The following FTO variants were observed in gnomAD, a reference collection of about 807,000 sequenced individuals.
The protein encoded by FTO is FTO alpha-ketoglutarate dependent dioxygenase.
A neutral mutation model predicts 63.9 loss-of-function variants in FTO; 47 were observed. That is an observed-to-expected ratio of 0.74 (90% CI 0.58 to 0.94). The LOEUF (loss-of-function observed/expected upper bound fraction) is 0.94, where lower values mean the gene tolerates loss of function less well. Among genes scored for constraint, FTO ranks in the 40% least tolerant of loss-of-function variants. The pLI is 0.00. For synonymous variants in FTO, 207 were observed against 224.4 expected (o/e 0.92, Z 0.69); for missense variants, 562 against 618.1 (o/e 0.91, Z 0.96).
chr16:54,090,643 T>C (rs1391126089), intron 8 of FTO, among the ~76,000 whole-genome samples: 2 of 152,224 alleles, frequency 1.3e-5, no homozygotes, highest in African/African-American at 2.4e-5. Flanking sequence ...TCTCATAATA[T>C]GGAAAACGCT....
intron 8 of FTO, among the ~76,000 whole-genome samples, chr16:54,006,774 C>T (rs879838393): frequency 1.3e-5 from 2 of 152,234 alleles, no homozygotes; most frequent in Non-Finnish European, 2.9e-5. Flanking sequence ...TAAACCCACA[C>T]TGAACCAAGT....
intron 8 of FTO, among the ~76,000 whole-genome samples, chr16:54,058,109 T>C (rs1272777334): frequency 6.6e-6 from 1 of 151,994 alleles, no homozygotes; most frequent in Non-Finnish European, 1.5e-5. Context: ...ATTTATTTTA[T>C]TTTATTTTTT....
At chr16:53,930,571 T>C (rs957666362) in intron 7 of FTO, among the ~76,000 whole-genome samples, 3 of 152,180 alleles carry the variant, frequency 2.0e-5, no homozygotes, top group African/African-American at 7.2e-5. Flanking sequence ...AGTGAACTTA[T>C]AGTTTTAAAA....
rs983709903 is a variant in FTO, at chr16:53,945,245, T to G, written c.1364+11136T>G. ...GGGTTTCACTCCTCTACTTCCACTT[T>G]CCCTGAAGTCTGCAATTGTACTAAT... On this transcript the variant is annotated intron_variant, in intron 8 of 8. Coordinates refer to ENST00000471389, the MANE Select transcript of FTO (RefSeq NM_001080432.3). Among the ~76,000 whole-genome samples the G allele has an allele frequency of 3.3e-5, 5 of 152,218 alleles. No homozygotes were observed. In the South Asian group the frequency reaches 1.0e-3, roughly 32 times the overall value.
At position 53,846,732 on chromosome 16, in the gene FTO, G is replaced by T. The variant is rs542916446; in HGVS notation, c.895+2434G>T. 2.0e-5 allele frequency among the ~76,000 whole-genome samples: 3 copies of T among 151,360 alleles called. No homozygotes were observed. The East Asian group carries it at 5.8e-4, about 29-fold the overall frequency. ...CATGAGAATTGCTTGAACCCGGGAGGTGGAAGTTGCAGGGAGCTGAGATTG... is the reference window on the plus strand; with the variant it reads ...CATGAGAATTGCTTGAACCCGGGAGTTGGAAGTTGCAGGGAGCTGAGATTG... On this transcript the variant is annotated intron_variant, in intron 4 of 8. Transcript: ENST00000471389.
chr16:53,839,990 A>C (rs1307934621), intron 3 of FTO, among the ~76,000 whole-genome samples: 1 of 151,812 alleles, frequency 6.6e-6, no homozygotes, highest in Non-Finnish European at 1.5e-5. Flanking sequence ...TTTTTAGTAG[A>C]GATGGGGTTT....
chr16:54,063,890 G>A (rs1278898787), intron 8 of FTO: 2 of 151,888 alleles, frequency 1.3e-5, no homozygotes, highest in Non-Finnish European at 2.9e-5. Flanking sequence ...TAAGATGGGT[G>A]TATGTGGGAC....
chr16:53,713,984 A>G (rs1421003190), intron 1 of FTO, among the ~76,000 whole-genome samples: 2 of 152,170 alleles, frequency 1.3e-5, no homozygotes, highest in South Asian at 2.1e-4. Flanking sequence ...TCCTGTTGCT[A>G]TGCTGATCAT....
chr16:53,994,831 T>C (rs1268303262), intron 8 of FTO, among the ~76,000 whole-genome samples: 1 of 152,062 alleles, frequency 6.6e-6, no homozygotes, highest in African/African-American at 2.4e-5. Context: ...TCTCCCAGGT[T>C]CAAACAATTC....
At chr16:53,948,068 A>G (rs568070203) in intron 8 of FTO, among the ~76,000 whole-genome samples, 2 of 152,342 alleles carry the variant, frequency 1.3e-5, no homozygotes, top group Admixed American at 1.3e-4. Context: ...TCGCCATTGT[A>G]AAGTAAGAGA....
Position 53,880,006 on chromosome 16 carries a change from T to G in FTO, c.1119+19T>G. Reference sequence around the variant, plus strand: ...TAATGAGGTAAGGACTTTCTTTTTTTTTTTTTGAGATGGAGTCTCGCTCTG... The same window carrying G: ...TAATGAGGTAAGGACTTTCTTTTTTGTTTTTTGAGATGGAGTCTCGCTCTG... On this transcript the variant is annotated intron_variant, in intron 6 of 8. Transcript: ENST00000471389. 1 of 1,606,282 alleles carries G rather than the reference T, an allele frequency of 6.2e-7. No homozygotes were observed. Among genetic ancestry groups the G allele is most frequent in the South Asian group, 1.1e-5 (1 of 90,780 alleles).
intron 8 of FTO, among the ~76,000 whole-genome samples, chr16:54,092,613 G>A (rs958110911): frequency 6.6e-6 from 1 of 152,130 alleles, no homozygotes; most frequent in Admixed American, 6.6e-5. Context: ...ACCCACCATG[G>A]AGAAATAATT....
intron 1 of FTO, among the ~76,000 whole-genome samples, chr16:53,743,956 T>C (rs1046569940): frequency 3.9e-5 from 6 of 152,194 alleles, no homozygotes; most frequent in Non-Finnish European, 1.5e-5. Context: ...TCAATATATT[T>C]AAAATTCCTA....
chr16:54,058,439 C>T (rs58616327), intron 8 of FTO, among the ~76,000 whole-genome samples: 38,421 of 152,036 alleles, frequency 0.25, 5,655 homozygotes, highest in East Asian at 0.45. Context: ...GAAACTCCAG[C>T]GCAGTAAAGA....
chr16:53,813,469 C>G (rs1425440670), intron 2 of FTO, among the ~76,000 whole-genome samples: 1 of 152,146 alleles, frequency 6.6e-6, no homozygotes, highest in Non-Finnish European at 1.5e-5. Context: ...GCCTCGGCCT[C>G]CCAAAGTGCT....
At chr16:53,971,260 C>A (rs2083310971) in intron 8 of FTO, among the ~76,000 whole-genome samples, 1 of 152,080 alleles carries the variant, frequency 6.6e-6, no homozygotes, top group African/African-American at 2.4e-5. Context: ...CCGCTTTCTC[C>A]TTTTTTTGGA....
chr16:53,839,168 T>C (rs1340984958), intron 3 of FTO, among the ~76,000 whole-genome samples: 1 of 152,226 alleles, frequency 6.6e-6, no homozygotes, highest in African/African-American at 2.4e-5. Context: ...AACTTGACTT[T>C]TAAACTTAAC....
intron 7 of FTO, among the ~76,000 whole-genome samples, chr16:53,920,354 A>G (rs2081979823): frequency 6.6e-6 from 1 of 152,206 alleles, no homozygotes; most frequent in Admixed American, 6.5e-5. Context: ...TTCCTGTGCT[A>G]AAGTCCTCAA....
Position 53,964,912 on chromosome 16 carries a change from G to T in FTO, c.1364+30803G>T, listed in dbSNP as rs189522567. Among the ~76,000 whole-genome samples, 11 of 152,230 alleles carry T rather than the reference G, an allele frequency of 7.2e-5. No homozygotes were observed. The East Asian group carries it at 1.9e-3, about 27-fold the overall frequency. ...TAGATTATTATTTTCTAGCTAAATC[G>T]TGGTAAACACAAATTATATTATAAT... is the stretch of plus-strand genomic sequence containing the variant. On this transcript the variant is annotated intron_variant, in intron 8 of 8. Coordinates refer to ENST00000471389, the MANE Select transcript of FTO (RefSeq NM_001080432.3).
Sources: allele counts gnomAD v4.1 joint callset (sites outside exome capture counted in the v4.1 genomes callset), GRCh38; gene constraint gnomAD v4.1.1; transcripts MANE v1.5; gene names NCBI Gene and HGNC (gene_info 2026-07-23, HGNC 2026-07-21).